Variants in LY96 observed in about 807,000 individuals in gnomAD.
LY96 encodes the protein lymphocyte antigen 96.
In LY96, 18 loss-of-function variants were observed where a neutral mutation model predicts 18.9. The observed-to-expected ratio is 0.95, with a 90% CI of 0.66 to 1.41. The LOEUF is 1.41. Ranked by LOEUF, LY96 falls within the 40% of genes most tolerant of loss-of-function variation. LY96 has a pLI of 0.00. For synonymous variants in LY96, 66 were observed against 62.6 expected (o/e 1.06, Z -0.26); for missense variants, 175 against 182.4 (o/e 0.96, Z 0.23).
At chr8:74,025,344 G>A (rs528555830) in intron 3 of LY96, among the ~76,000 whole-genome samples, 3 of 152,220 alleles carry the variant, frequency 2.0e-5, no homozygotes, top group South Asian at 4.2e-4. Flanking sequence ...AACACCTCAG[G>A]TATCAACTCC....
chr8:74,004,434 T>C (rs1355625848), intron 1 of LY96, among the ~76,000 whole-genome samples: 2 of 152,178 alleles, frequency 1.3e-5, no homozygotes, highest in East Asian at 1.9e-4. Context: ...CTCTTCCTGA[T>C]TGTATGACAC....
downstream of LY96, among the ~76,000 whole-genome samples, chr8:74,033,243 T>C (rs1057059377): frequency 6.6e-6 from 1 of 152,288 alleles, no homozygotes; most frequent in African/African-American, 2.4e-5. Flanking sequence ...AGAACAGTGA[T>C]ATAATTTTTT....
At chr8:74,068,083 A>ATATAT in the LY96 span, among the ~76,000 whole-genome samples, 85 of 95,790 alleles carry the variant, frequency 8.9e-4, 3 homozygotes, top group African/African-American at 5.6e-3. Flanking sequence ...AAAAAAAAAA[A>ATATAT]AAAAAAATAT....
chr8:74,002,093 T>TTCTTTCTC lies in LY96; in HGVS notation c.113-2700_113-2699insTTCTCTCT, dbSNP rs1563710943. On this transcript the variant is annotated intron_variant, in intron 1 of 4. Transcript: ENST00000284818. ...TTCCTTCCTTTCTTTCTTTCTTTCTTTCTCTCTCTCTCTCTCTCTCTCTCT... is the reference window on the plus strand; with the variant it reads ...TTCCTTCCTTTCTTTCTTTCTTTCTTTCTTTCTCTCTCTCTCTCTCTCTCTCTCTCTCT... Among the ~76,000 whole-genome samples, 93 of 38,724 alleles carry TTCTTTCTC rather than the reference T, an allele frequency of 2.4e-3. 18 individuals are homozygous for TTCTTTCTC. The highest frequency in any genetic ancestry group is 7.7e-3 in the African/African-American group (50 of 6,454). The allele number at this position is 38,724 out of a possible 152,430, so 25.4% of individuals were successfully genotyped here.
chr8:74,098,372 C>T, the LY96 span, among the ~76,000 whole-genome samples: 3 of 152,056 alleles, frequency 2.0e-5, no homozygotes, highest in Non-Finnish European at 2.9e-5. Context: ...TCATCTTATT[C>T]TGTCTTTTTA....
chr8:74,054,539 CCTTCCTTCCTTCCTTCCTTCCTTT>C, the LY96 span, among the ~76,000 whole-genome samples: 2,483 of 140,252 alleles, frequency 0.018, 78 homozygotes, highest in African/African-American at 0.061. Flanking sequence ...TTCCTTCCTT[CCTTCCTTCCTTCCTTCCTTCCTTT>C]CTTCCCTCCC....
At chr8:74,008,096 C>T (rs1259343157) in intron 2 of LY96, among the ~76,000 whole-genome samples, 2 of 152,164 alleles carry the variant, frequency 1.3e-5, no homozygotes, top group Non-Finnish European at 2.9e-5. Context: ...CCCATATTGA[C>T]ATCCCCAGCC....
At chr8:74,076,235 T>A in the LY96 span, among the ~76,000 whole-genome samples, 3 of 151,564 alleles carry the variant, frequency 2.0e-5, no homozygotes, top group African/African-American at 7.3e-5. Flanking sequence ...TGCCCCTCCA[T>A]GTCTACCCCA....
rs894982003 is a variant in LY96, at chr8:73,998,524, GA to G, written c.113-6263del. 1.7e-3 allele frequency among the ~76,000 whole-genome samples: 253 copies of G among 150,676 alleles called. 3 individuals are homozygous for G. The highest frequency in any genetic ancestry group is 3.3e-3 in the African/African-American group (136 of 41,092). On this transcript the variant is annotated intron_variant, in intron 1 of 4. Transcript: ENST00000284818. ...GGCCCCATCTCTACAAAAAAATGAA[GA>G]AAAAAAAATTCACTGGGTGTGGTGG... is the stretch of plus-strand genomic sequence containing the variant.
the LY96 span, among the ~76,000 whole-genome samples, chr8:74,069,052 C>T: frequency 1.3e-5 from 2 of 152,190 alleles, no homozygotes; most frequent in African/African-American, 4.8e-5. Context: ...TCCCAAAGTG[C>T]TGGGATTACA....
rs1563710709 is a variant in LY96, at chr8:74,002,048, TTCCTTCCTTCCTTCCTTCCTTCCTTC to T, written c.113-2747_113-2722del. On this transcript the variant is annotated intron_variant, in intron 1 of 4. Coordinates refer to ENST00000284818, the MANE Select transcript of LY96 (RefSeq NM_015364.5). ...CTTCCTTCCTTCCTTCCTTCCTTCC[TTCCTTCCTTCCTTCCTTCCTTCCTTC>T]CTTTCTTTCTTTCTTTCTTTCTCTC... Among the ~76,000 whole-genome samples the T allele has an allele frequency of 8.3e-4, 32 of 38,472 alleles. 4 individuals carry two copies. The East Asian group carries it at 0.014, about 17-fold the overall frequency. 25.2% of individuals were successfully genotyped at this position (38,472 alleles called of 152,430 possible).
chr8:74,068,089 A>AATATAT, the LY96 span, among the ~76,000 whole-genome samples: 20 of 67,934 alleles, frequency 2.9e-4, 1 homozygote, highest in East Asian at 1.4e-3. Flanking sequence ...AAAAAAAAAA[A>AATATAT]ATATATATAT....
intron 3 of LY96, among the ~76,000 whole-genome samples, chr8:74,021,467 TTGG>T (rs1194982437): frequency 1.3e-5 from 2 of 152,208 alleles, no homozygotes; most frequent in Admixed American, 6.5e-5. Context: ...TTTTACACTG[TTGG>T]TGGGAGTGTA....
intron 1 of LY96, among the ~76,000 whole-genome samples, chr8:73,993,319 C>T (rs1352537311): frequency 2.0e-5 from 3 of 152,052 alleles, no homozygotes; most frequent in East Asian, 3.9e-4. Context: ...CTCTGTTGTG[C>T]AGGCTGGAGT....
the LY96 span, among the ~76,000 whole-genome samples, chr8:74,097,735 A>T: frequency 2.9e-5 from 4 of 140,346 alleles, no homozygotes; most frequent in Non-Finnish European, 6.1e-5. Context: ...TAAGTAAATA[A>T]ATAAGTAAAT....
At chr8:74,092,699 C>T in the LY96 span, among the ~76,000 whole-genome samples, 1 of 152,200 alleles carries the variant, frequency 6.6e-6, no homozygotes, top group Non-Finnish European at 1.5e-5. Context: ...CTTGCTTTCC[C>T]ATGACTGGCT....
At chr8:74,048,803 A>G in the LY96 span, 1 of 133,620 alleles carries the variant, frequency 7.5e-6, no homozygotes, top group African/African-American at 3.3e-5. Flanking sequence ...GAAGGAGAAA[A>G]AGAAAAAAAG....
chr8:74,085,146 G>A, the LY96 span, among the ~76,000 whole-genome samples: 2,673 of 152,284 alleles, frequency 0.018, 69 homozygotes, highest in African/African-American at 0.06. Context: ...ATTTATGTGT[G>A]TTGTCTCACA....
the LY96 span, among the ~76,000 whole-genome samples, chr8:74,088,148 T>TAGAATAGAATAGAAA: frequency 2.6e-4 from 38 of 144,710 alleles, no homozygotes; most frequent in African/African-American, 8.4e-4. Context: ...TAGAATAGAA[T>TAGAATAGAATAGAAA]AGAAAAGAAT....
Sources: gnomAD v4.1 joint callset for allele counts (sites outside exome capture counted in the v4.1 genomes callset) on GRCh38, gnomAD v4.1.1 for gene constraint, MANE v1.5 for transcripts, NCBI Gene and HGNC (gene_info 2026-07-23, HGNC 2026-07-21) for gene names.